PHF8: variants seen among roughly 807,000 people sequenced by gnomAD.
PHF8 encodes the protein histone lysine demethylase PHF8.
PHF8 carries 9 observed loss-of-function variants against 74.4 expected under a neutral mutation model. The observed-to-expected ratio is 0.12, with a 90% CI of 0.07 to 0.21. PHF8 has a LOEUF of 0.21. PHF8 is among the 10% of genes least tolerant of loss of function. The pLI, the probability that PHF8 is intolerant of heterozygous loss-of-function variation, is 1.00. For missense variants in PHF8, 478 were observed against 816.6 expected (o/e 0.59, Z 5.05); for synonymous variants, 311 against 316.6 (o/e 0.98, Z 0.19).
intron 18 of PHF8, among the ~76,000 whole-genome samples, chrX:53,978,722 C>T (rs1225818491): frequency 9.6e-6 from 1 of 104,694 alleles, no homozygotes; most frequent in Admixed American, 1.1e-4. Context: ...CACGTGAATC[C>T]GGAAGGCAGA....
chrX:54,011,040 C>T, intron 8 of PHF8, 82 bp downstream of exon 8: 1 of 857,581 alleles, frequency 1.2e-6, no homozygotes, highest in Admixed American at 2.2e-5. Flanking sequence ...CCCACGTAAT[C>T]AGATTAATAT....
intron 5 of PHF8, among the ~76,000 whole-genome samples, chrX:54,017,228 T>C (rs1477818480): frequency 1.8e-5 from 2 of 112,804 alleles, no homozygotes; most frequent in African/African-American, 3.2e-5. Context: ...GAAAGATCGC[T>C]TGAGCCCAGT....
At chrX:54,046,872 A>T, upstream of PHF8, among the ~76,000 whole-genome samples, 1 of 111,622 alleles carries the variant, frequency 9.0e-6, no homozygotes, top group Non-Finnish European at 1.9e-5. Flanking sequence ...AATAACAAAT[A>T]TCCCATGAAA....
intron 2 of PHF8, 45 bp from the exon 3 acceptor site, chrX:54,022,888 T>G: frequency 1.2e-6 from 1 of 837,160 alleles, no homozygotes; most frequent in Non-Finnish European, 1.8e-6. Flanking sequence ...ATTTTATTTT[T>G]TATGAGGTCT....
At position 54,011,935 on chromosome X, in the gene PHF8, A is replaced by C. The variant is rs187171484; in HGVS notation, c.784-651T>G. 2.4e-3 allele frequency among the ~76,000 whole-genome samples: 265 copies of C among 110,287 alleles called. 1 individual carries two copies. The highest frequency in any genetic ancestry group is 6.6e-3 in the African/African-American group (201 of 30,485). ...TATATTCTCACAGCATGATTGGTTT[A>C]ACCAGTATTTCATGATAATAAATTT... On this transcript the variant is annotated intron_variant, in intron 7 of 21. Transcript: ENST00000338154.
At chrX:53,952,807 C>T (rs782740048) in intron 19 of PHF8, among the ~76,000 whole-genome samples, 7 of 103,743 alleles carry the variant, frequency 6.7e-5, no homozygotes, top group African/African-American at 1.8e-4. Flanking sequence ...GGCGTGAACC[C>T]GGGAGGCAGA....
intron 2 of PHF8, among the ~76,000 whole-genome samples, chrX:54,026,979 G>A (rs1356108645): frequency 4.5e-5 from 5 of 111,146 alleles, no homozygotes; most frequent in Non-Finnish European, 9.4e-5. Context: ...AGAAAATTAA[G>A]TAATCAGAGG....
chrX:53,960,769 A>T (rs782818356), intron 19 of PHF8, among the ~76,000 whole-genome samples: 25 of 110,388 alleles, frequency 2.3e-4, no homozygotes, highest in African/African-American at 7.6e-4. Flanking sequence ...AAAAAAATTT[A>T]AAAAATTGTA....
At chrX:53,947,433 T>C (rs1196500332) in intron 19 of PHF8, among the ~76,000 whole-genome samples, 1 of 113,061 alleles carries the variant, frequency 8.8e-6, no homozygotes, top group Admixed American at 9.3e-5. Context: ...AGTATGCAGA[T>C]TCTAGAACAA....
intron 19 of PHF8, among the ~76,000 whole-genome samples, chrX:53,952,420 A>G (rs1401189210): frequency 8.9e-6 from 1 of 111,980 alleles, no homozygotes; most frequent in African/African-American, 3.2e-5. Context: ...CATTATCAAC[A>G]TATTTTTGTA....
At chrX:53,965,125 T>TG (rs1233904945) in intron 18 of PHF8, among the ~76,000 whole-genome samples, 4 of 111,508 alleles carry the variant, frequency 3.6e-5, no homozygotes, top group African/African-American at 1.3e-4. Context: ...TAATGGTATG[T>TG]GTTTTTTACC....
At chrX:53,945,813 C>T (rs1273541647) in intron 19 of PHF8, among the ~76,000 whole-genome samples, 1 of 111,595 alleles carries the variant, frequency 9.0e-6, no homozygotes, top group Non-Finnish European at 1.9e-5. Context: ...CAATCTCCTA[C>T]ACAAAACCTC....
intron 11 of PHF8, among the ~76,000 whole-genome samples, chrX:53,996,005 A>T (rs1422994914): frequency 3.6e-5 from 4 of 111,770 alleles, no homozygotes; most frequent in Non-Finnish European, 5.6e-5. Flanking sequence ...CATAGACCTA[A>T]ATGTAAAACC....
chrX:53,961,687 G>C (rs180742183), intron 19 of PHF8, among the ~76,000 whole-genome samples: 2 of 110,710 alleles, frequency 1.8e-5, no homozygotes, highest in African/African-American at 6.6e-5. Context: ...GGAATGCCCT[G>C]CTACCCCTAT....
At chrX:54,037,713 G>C (rs2066487218) in intron 2 of PHF8, among the ~76,000 whole-genome samples, 2 of 112,139 alleles carry the variant, frequency 1.8e-5, no homozygotes, top group African/African-American at 6.5e-5. Context: ...ACATAAAATA[G>C]GTAATTTGAA....
intron 19 of PHF8, among the ~76,000 whole-genome samples, chrX:53,962,454 T>A (rs1019526207): frequency 3.6e-5 from 4 of 111,131 alleles, no homozygotes; most frequent in African/African-American, 1.3e-4. Context: ...TTGGGCCTTA[T>A]AGAGCTCAAC....
intron 19 of PHF8, among the ~76,000 whole-genome samples, chrX:53,950,238 T>G (rs2064902225): frequency 8.9e-6 from 1 of 111,837 alleles, no homozygotes; most frequent in Admixed American, 9.6e-5. Flanking sequence ...GAGCTAGAGC[T>G]TTCTTTCAAA....
intron 14 of PHF8, among the ~76,000 whole-genome samples, chrX:53,990,026 T>C (rs2065634181): frequency 8.9e-6 from 1 of 111,918 alleles, no homozygotes; most frequent in African/African-American, 3.2e-5. Context: ...TGATCTTTTA[T>C]TAACTTCTAA....
rs2064707115 is a variant in PHF8, at chrX:53,938,905, G to A, written c.*253C>T. The A allele has an allele frequency of 1.0e-6, 1 of 952,560 alleles. No individual in the cohort carries two copies. The highest frequency in any genetic ancestry group is 1.3e-6 in the Non-Finnish European group (1 of 762,902). 78.5% of individuals were successfully genotyped at this position (952,560 alleles called of 1,213,427 possible). A position where few individuals can be genotyped will look rare whatever the true frequency, so the allele number is the denominator to read the frequency against. ...GTGGTTTGGACGAGTAGAAAAGAGGGTTCTAGTCAGCTGGAAACCTCTCCC... is the reference window on the plus strand; with the variant it reads ...GTGGTTTGGACGAGTAGAAAAGAGGATTCTAGTCAGCTGGAAACCTCTCCC... On this transcript the variant is annotated 3_prime_UTR_variant, in exon 22 of 22. Transcript: ENST00000338154.
Sources: allele counts gnomAD v4.1 joint callset (sites outside exome capture counted in the v4.1 genomes callset), GRCh38; gene constraint gnomAD v4.1.1; transcripts MANE v1.5; gene names NCBI Gene and HGNC (gene_info 2026-07-23, HGNC 2026-07-21).